The following DCN variants were observed in gnomAD, a reference collection of about 807,000 sequenced individuals.
The protein encoded by DCN is decorin, also known as bone proteoglycan II.
Under a neutral mutation model 36.5 loss-of-function variants are expected in DCN, and 17 were observed. The observed-to-expected ratio is 0.47, with a 90% CI of 0.32 to 0.70. The LOEUF is 0.70. Among genes scored for constraint, DCN ranks in the 30% least tolerant of loss-of-function variants. The pLI, the probability that DCN is intolerant of heterozygous loss-of-function variation, is 0.04. For synonymous variants in DCN, 163 were observed against 161.4 expected, an observed-to-expected ratio of 1.01 and a Z score of -0.07; for missense variants, 389 against 430.1, an observed-to-expected ratio of 0.90 and a Z score of 0.84.
At chr12:91,166,995 T>C (rs1882612278) in intron 2 of DCN, among the ~76,000 whole-genome samples, 2 of 152,180 alleles carry the variant, frequency 1.3e-5, no homozygotes, top group Admixed American at 1.3e-4. Flanking sequence ...CCCAATGAGA[T>C]AGGTAAGGCA....
intron 2 of DCN, chr12:91,172,811 A>G (rs886187214): frequency 1.4e-6 from 1 of 695,626 alleles, no homozygotes; most frequent in South Asian, 1.5e-5. Context: ...TCTACAAAGT[A>G]TAAGGCAGTT....
At position 91,151,504 on chromosome 12, in the gene DCN, T is replaced by C. The variant is rs192646002; in HGVS notation, c.885+150A>G. ...GTAAATTGTGCTTCATGATTTAATT[T>C]TTTTTATGGTATTTTGTCATAGAAA... is the stretch of plus-strand genomic sequence containing the variant. On this transcript the variant is annotated intron_variant, in intron 7 of 7. Coordinates refer to ENST00000052754, the MANE Select transcript of DCN (RefSeq NM_001920.5). 1.5e-3 allele frequency: 1,267 copies of C among 819,406 alleles called. 3 individuals carry two copies. The highest frequency in any genetic ancestry group is 2.2e-3 in the Non-Finnish European group (1,093 of 504,254). The allele number at this position is 819,406 out of a possible 1,614,324, so 50.8% of individuals were successfully genotyped here.
intron 2 of DCN, among the ~76,000 whole-genome samples, chr12:91,174,764 G>A (rs1393539439): frequency 6.6e-6 from 1 of 152,122 alleles, no homozygotes; most frequent in East Asian, 1.9e-4. Context: ...GTTTTAAGAG[G>A]CATTTTAACT....
intron 7 of DCN, among the ~76,000 whole-genome samples, chr12:91,147,200 T>C (rs1198471097): frequency 6.6e-6 from 1 of 152,180 alleles, no homozygotes; most frequent in Non-Finnish European, 1.5e-5. Flanking sequence ...AAGCCAGTCA[T>C]CTGGTCTACT....
chr12:91,157,263 C>T, intron 4 of DCN, 75 bp from the exon 5 acceptor site: 2 of 1,019,474 alleles, frequency 2.0e-6, no homozygotes, highest in South Asian at 2.6e-5. Flanking sequence ...TCTGTTTCAG[C>T]AAGCAACCTA....
At position 91,141,144 on chromosome 12, in the gene DCN, T is replaced by C. The variant is rs968024504; in HGVS notation, c.*4914A>G. The C allele has an allele frequency of 2.0e-5, 3 of 152,176 alleles. No homozygotes were observed. The highest frequency in any genetic ancestry group is 7.2e-5 in the African/African-American group (3 of 41,442). The allele number at this position is 152,176 out of a possible 1,614,324, so 9.4% of individuals were successfully genotyped here. On this transcript the variant is annotated 3_prime_UTR_variant, in exon 8 of 8. Coordinates refer to ENST00000052754, the MANE Select transcript of DCN (RefSeq NM_001920.5). ...AGACAGTTGAATCAAGTCACTCCTC[T>C]ACCGAGACCCCTCTAATAGCTCTCT...
At chr12:91,160,237 T>C (rs544762378) in intron 3 of DCN, among the ~76,000 whole-genome samples, 3 of 152,200 alleles carry the variant, frequency 2.0e-5, no homozygotes, top group South Asian at 4.2e-4. Context: ...AGGTGACATA[T>C]ATCATTACAA....
intron 2 of DCN, among the ~76,000 whole-genome samples, chr12:91,165,047 T>C (rs1240719596): frequency 3.9e-5 from 6 of 152,216 alleles, no homozygotes; most frequent in Non-Finnish European, 5.9e-5. Context: ...TATTGAAAAG[T>C]AGTTATTTTG....
intron 3 of DCN, among the ~76,000 whole-genome samples, chr12:91,163,979 A>T (rs3138224): frequency 0.017 from 2,572 of 152,306 alleles, 69 homozygotes; most frequent in African/African-American, 0.058. Context: ...GAGAATTAAG[A>T]TCTAAAGTAT....
In DCN at chr12:91,178,501, G is replaced by A; in HGVS notation, c.52C>T (p.Pro18Ser). The part of the protein sequence containing the change: ...LLLAQVSWAG[P>S]FQQRGLFDFM... ...TCAAATAAGCCTCTCTGTTGAAACGGTCCAGCCCAGGAAACTTGTGCAAGC... is the reference window on the plus strand; with the variant it reads ...TCAAATAAGCCTCTCTGTTGAAACGATCCAGCCCAGGAAACTTGTGCAAGC... The change falls in exon 2 of 8, where the codon CCG (proline) becomes TCG (serine). Residue 18 changes from proline (P) to serine (S), a missense_variant. Physicochemically the swap from Pro to Ser is moderately conservative, Grantham distance 74 (BLOSUM62 -1). Coordinates refer to ENST00000052754, the MANE Select transcript of DCN (RefSeq NM_001920.5). The A allele has an allele frequency of 6.2e-7, 1 of 1,613,726 alleles. No individual in the cohort carries two copies. Among genetic ancestry groups the A allele is most frequent in the East Asian group, 2.2e-5 (1 of 44,804 alleles).
At chr12:91,168,152 T>C (rs1423807771) in intron 2 of DCN, among the ~76,000 whole-genome samples, 2 of 152,208 alleles carry the variant, frequency 1.3e-5, no homozygotes, top group African/African-American at 4.8e-5. Flanking sequence ...TTTATGCATG[T>C]GATCATTGTG....
At chr12:91,148,997 C>A (rs932422111) in intron 7 of DCN, among the ~76,000 whole-genome samples, 1 of 151,976 alleles carries the variant, frequency 6.6e-6, no homozygotes, top group Non-Finnish European at 1.5e-5. Flanking sequence ...GTTTGGTGAG[C>A]AATTTATGGT....
chr12:91,157,651 C>G (rs1039911974), intron 4 of DCN, among the ~76,000 whole-genome samples: 12 of 149,872 alleles, frequency 8.0e-5, no homozygotes, highest in African/African-American at 2.7e-4. Flanking sequence ...TTTTTTGAGA[C>G]GTAGTCTCAC....
chr12:91,146,321 TTA>T lies in DCN; in HGVS notation c.886-71_886-70del, dbSNP rs1393400941. On this transcript the variant is annotated intron_variant, in intron 7 of 7. Coordinates refer to ENST00000052754, the MANE Select transcript of DCN (RefSeq NM_001920.5). ...TGTTGAGGCCCTTCAGGTAAACATT[TTA>T]TTTTTTTTATTATTTTTTAATCCTT... 4.6e-6 allele frequency: 4 copies of T among 861,822 alleles called. No homozygotes were observed. In the East Asian group the frequency reaches 1.1e-4, roughly 23 times the overall value. The allele number at this position is 861,822 out of a possible 1,614,324, so 53.4% of individuals were successfully genotyped here. A position where few individuals can be genotyped will look rare whatever the true frequency, so the allele number is the denominator to read the frequency against.
chr12:91,182,174 G>T (rs1868429288), intron 1 of DCN, among the ~76,000 whole-genome samples: 1 of 152,022 alleles, frequency 6.6e-6, no homozygotes, highest in Non-Finnish European at 1.5e-5. Flanking sequence ...TTCTGGGGTT[G>T]AAGAAATATA....
intron 3 of DCN, among the ~76,000 whole-genome samples, chr12:91,161,150 T>G (rs1882131327): frequency 1.3e-5 from 2 of 152,216 alleles, no homozygotes; most frequent in Admixed American, 6.5e-5. Flanking sequence ...ACTCTCTTTA[T>G]TCATCTGATG....
At chr12:91,161,787 C>T (rs867378742) in intron 3 of DCN, among the ~76,000 whole-genome samples, 21 of 152,180 alleles carry the variant, frequency 1.4e-4, no homozygotes, top group African/African-American at 4.3e-4. Context: ...ACTCCTTCCT[C>T]GCATATTCTC....
rs191218249 is a variant in DCN at position 91,164,723 on chromosome 12, A to G, written c.212-6T>C. 4,116 of 1,432,096 alleles carry G rather than the reference A, an allele frequency of 2.9e-3. 8 individuals are homozygous for G. Among genetic ancestry groups the G allele is most frequent in the Non-Finnish European group, 3.4e-3 (3,479 of 1,013,846 alleles). The allele number at this position is 1,432,096 out of a possible 1,614,324, so 88.7% of individuals were successfully genotyped here. ...CTTTGGCACTTTGTCCAGACCTAGC[A>G]TAAGAGTAATAGGAGTGTGCTGTGA... On this transcript the variant is annotated splice_polypyrimidine_tract_variant and splice_region_variant and intron_variant, in intron 2 of 7. Coordinates refer to ENST00000052754, the MANE Select transcript of DCN (RefSeq NM_001920.5).
chr12:91,164,659 G>A lies in DCN; in HGVS notation c.270C>T (p.Asn90=). 1 of 1,613,332 alleles carries A rather than the reference G, an allele frequency of 6.2e-7. No individual in the cohort carries two copies. The highest frequency in any genetic ancestry group is 8.5e-7 in the Non-Finnish European group (1 of 1,179,372). The change falls in exon 3 of 8, where the codon AAC becomes AAT. Residue 90 remains asparagine (N), a synonymous_variant. Coordinates refer to ENST00000052754, the MANE Select transcript of DCN (RefSeq NM_001920.5). The part of the protein sequence containing the change: ...PPDTTLLDLQ[N]NKITEIKDGD... ...CATCTTTGATTTCGGTTATTTTGTTGTTTTGCAGGTCTAGCAGAGTTGTGT... is the reference window on the plus strand; with the variant it reads ...CATCTTTGATTTCGGTTATTTTGTTATTTTGCAGGTCTAGCAGAGTTGTGT...
Sources: gnomAD v4.1 joint callset for allele counts (sites outside exome capture counted in the v4.1 genomes callset) on GRCh38, gnomAD v4.1.1 for gene constraint, MANE v1.5 for transcripts, NCBI Gene and HGNC (gene_info 2026-07-23, HGNC 2026-07-21) for gene names.